Variants in TSC22D4 observed in about 807,000 individuals in gnomAD.
TSC22D4 encodes TSC22 domain family protein 4.
Under a neutral mutation model 24.9 loss-of-function variants are expected in TSC22D4, and 5 were observed. The observed-to-expected ratio is 0.20, with a 90% CI of 0.10 to 0.42. The LOEUF (loss-of-function observed/expected upper bound fraction) is 0.42. Among genes scored for constraint, TSC22D4 ranks in the 10% least tolerant of loss-of-function variants. TSC22D4 has a pLI of 1.00. For synonymous variants in TSC22D4, 245 were observed against 243.2 expected (o/e 1.01, Z -0.07); for missense variants, 469 against 547.9 (o/e 0.86, Z 1.44).
Position 100,474,482 on chromosome 7 carries a change from A to G in TSC22D4, c.763-42T>C, listed in dbSNP as rs779010743. Reference sequence around the variant, plus strand: ...AGGAACCATCACATGAAAAGAGAAAAGAAAGGAACCAGCTGCCTTAAAACT... The same window carrying G: ...AGGAACCATCACATGAAAAGAGAAAGGAAAGGAACCAGCTGCCTTAAAACT... On this transcript the variant is annotated intron_variant, in intron 2 of 4. Transcript: ENST00000300181. This position sits in a 1 kb window ranked among gnomAD's most constrained non-coding sequence, Gnocchi z 4.3. The G allele has an allele frequency of 6.2e-7, 1 of 1,610,112 alleles. No homozygotes were observed. The highest frequency in any genetic ancestry group is 8.5e-7 in the Non-Finnish European group (1 of 1,178,080).
chr7:100,473,767 TA>T (rs1427425616), intron 3 of TSC22D4: 178 of 83,520 alleles, frequency 2.1e-3, no homozygotes, highest in African/African-American at 6.4e-3. Flanking sequence ...TATATATATA[TA>T]TTTTTTTTTT....
chr7:100,475,446 G>C (rs11773661), intron 2 of TSC22D4, among the ~76,000 whole-genome samples: 26,588 of 152,088 alleles, frequency 0.17, 2,442 homozygotes, highest in Non-Finnish European at 0.2. Flanking sequence ...ATCATTCACT[G>C]GTTTACTGAA....
intron 3 of TSC22D4, 104 bp from the exon 4 acceptor site, chr7:100,467,704 T>G: frequency 8.6e-7 from 1 of 1,161,530 alleles, no homozygotes; most frequent in Non-Finnish European, 1.3e-6. Context: ...CCTGTGACAG[T>G]AGAGAATGAG....
In TSC22D4 at chr7:100,474,089, C is replaced by T. The variant is rs1799445750; in HGVS notation, c.929+185G>A. ...AGGGAGTCCCACCCAGCCCTCTCCA[C>T]AGAGAGGGAGTGGGTCCGAAATCAA... On this transcript the variant is annotated intron_variant, in intron 3 of 4. Transcript: ENST00000300181. This position sits in a 1 kb window ranked among gnomAD's most constrained non-coding sequence, Gnocchi z 4.3. The T allele has an allele frequency of 2.9e-6, 2 of 695,704 alleles. 1 individual carries two copies. Among genetic ancestry groups the T allele is most frequent in the South Asian group, 3.8e-5 (2 of 52,452 alleles). The allele number at this position is 695,704 out of a possible 1,614,324, so 43.1% of individuals were successfully genotyped here. A position where few individuals can be genotyped will look rare whatever the true frequency, so the allele number is the denominator to read the frequency against.
chr7:100,476,428 C>T (rs1799497624), intron 2 of TSC22D4, among the ~76,000 whole-genome samples: 1 of 152,108 alleles, frequency 6.6e-6, no homozygotes. Context: ...TTCCCCAGAC[C>T]TCCGAGGTGT....
At chr7:100,476,077 G>A (rs1799490523) in intron 2 of TSC22D4, among the ~76,000 whole-genome samples, 1 of 151,878 alleles carries the variant, frequency 6.6e-6, no homozygotes, top group Non-Finnish European at 1.5e-5. Context: ...CAGGGTCTGT[G>A]GCCCCAAGAG....
At position 100,477,488 on chromosome 7, in the gene TSC22D4, G is replaced by T. The variant is rs756086289; in HGVS notation, c.551C>A (p.Pro184His). The T allele has an allele frequency of 7.1e-6, 11 of 1,552,838 alleles. No individual in the cohort carries two copies. In the South Asian group the frequency reaches 1.3e-4, roughly 19 times the overall value. The change falls in exon 2 of 5, where the codon CCC (proline) becomes CAC (histidine). Residue 184 changes from proline (P) to histidine (H), a missense_variant. Coordinates refer to ENST00000300181, the MANE Select transcript of TSC22D4 (RefSeq NM_030935.5). This position sits in a 1 kb window ranked among gnomAD's most constrained non-coding sequence, Gnocchi z 7.8. ...VVPSKAKAEK[P>H]PLSASSPQQR... The stretch of plus-strand genomic sequence containing the variant: ...CTGGGGTGAGGAGGCCGACAGTGGG[G>T]GTTTCTCTGCCTTGGCTTTGCTGGG...
intron 3 of TSC22D4, among the ~76,000 whole-genome samples, chr7:100,473,588 C>T (rs968112608): frequency 6.6e-6 from 1 of 151,576 alleles, no homozygotes; most frequent in Non-Finnish European, 1.5e-5. Context: ...ATTACAGGCA[C>T]GTACCACCAC....
Position 100,478,892 on chromosome 7 carries a change from G to A in TSC22D4, c.-368C>T, listed in dbSNP as rs1799567611. 6.6e-6 allele frequency: 1 copy of A among 152,280 alleles called. No homozygotes were observed. Among genetic ancestry groups the A allele is most frequent in the African/African-American group, 2.4e-5 (1 of 41,446 alleles). The allele number at this position is 152,280 out of a possible 1,614,324, so 9.4% of individuals were successfully genotyped here. On this transcript the variant is annotated 5_prime_UTR_variant, in exon 1 of 5. Coordinates refer to ENST00000300181, the MANE Select transcript of TSC22D4 (RefSeq NM_030935.5). Reference sequence around the variant, plus strand: ...GCCTCCTGGCCATGGGCAGTGGCGGGGCACGCAGGCGGCGATCAGAGGCTG... The same window carrying A: ...GCCTCCTGGCCATGGGCAGTGGCGGAGCACGCAGGCGGCGATCAGAGGCTG...
rs1799287269 is a variant in TSC22D4 at position 100,466,891 on chromosome 7, G to A, written c.*68C>T. The A allele has an allele frequency of 2.1e-6, 3 of 1,418,376 alleles. No individual in the cohort carries two copies. Among genetic ancestry groups the A allele is most frequent in the African/African-American group, 1.4e-5 (1 of 69,594 alleles). 87.9% of individuals were successfully genotyped at this position (1,418,376 alleles called of 1,614,324 possible). A position where few individuals can be genotyped will look rare whatever the true frequency, so the allele number is the denominator to read the frequency against. On this transcript the variant is annotated 3_prime_UTR_variant, in exon 5 of 5. Coordinates refer to ENST00000300181, the MANE Select transcript of TSC22D4 (RefSeq NM_030935.5). ...GACACGGGGACATTAAAGCTGCATA[G>A]GAAGAGGGGGCAGGCGGCTGACGCA...
Position 100,477,283 on chromosome 7 carries a change from C to A in TSC22D4, c.756G>T (p.Met252Ile), listed in dbSNP as rs776568011. ...CCTAGAACCCAGGTCTTACCTGCCC[C>A]ATCTCTTCTGGAGCACCCAACTCCA... Reference protein sequence around the residue: ...LRMELGAPEEMGQVPPLDSRP... With the variant: ...LRMELGAPEEIGQVPPLDSRP... The change falls in exon 2 of 5, where the codon ATG (methionine) becomes ATT (isoleucine). Residue 252 changes from methionine (M) to isoleucine (I), a missense_variant. Transcript: ENST00000300181. This position sits in a 1 kb window ranked among gnomAD's most constrained non-coding sequence, Gnocchi z 7.8. 3 of 1,501,942 alleles carry A rather than the reference C, an allele frequency of 2.0e-6. No individual in the cohort carries two copies. The highest frequency in any genetic ancestry group is 2.7e-6 in the Non-Finnish European group (3 of 1,124,812). The allele number at this position is 1,501,942 out of a possible 1,614,324, so 93.0% of individuals were successfully genotyped here.
chr7:100,477,343 C>T lies in TSC22D4; in HGVS notation c.696G>A (p.Leu232=). 1 of 1,554,480 alleles carries T rather than the reference C, an allele frequency of 6.4e-7. No individual in the cohort carries two copies. The highest frequency in any genetic ancestry group is 8.7e-7 in the Non-Finnish European group (1 of 1,152,504). The part of the protein sequence containing the change: ...AGGSGARTPP[L]SRRKAVDMRL... ...GCATGTCTACAGCTTTCCTCCGGGA[C>T]AGTGGAGGGGTCCTGGCCCCTGAGC... The change falls in exon 2 of 5, where the codon CTG becomes CTA. Residue 232 remains leucine (L), a synonymous_variant. Coordinates refer to ENST00000300181, the MANE Select transcript of TSC22D4 (RefSeq NM_030935.5). The surrounding 1 kb of genome is among the most constrained non-coding windows in gnomAD (Gnocchi z 7.8).
In TSC22D4 at chr7:100,467,942, T is replaced by C. The variant is rs770882952; in HGVS notation, c.930-342A>G. On this transcript the variant is annotated intron_variant, in intron 3 of 4. Transcript: ENST00000300181. ...TTGACAGAGACCCCTGGCTGGGCCA[T>C]GCCCAAGGGGAAAGGGTCCTTAGAC... The C allele has an allele frequency of 8.9e-5, 47 of 527,626 alleles. 2 individuals carry two copies. The highest frequency in any genetic ancestry group is 6.8e-4 in the South Asian group (44 of 65,036). 32.7% of individuals were successfully genotyped at this position (527,626 alleles called of 1,614,324 possible). A position where few individuals can be genotyped will look rare whatever the true frequency, so the allele number is the denominator to read the frequency against.
intron 4 of TSC22D4, 132 bp downstream of exon 4, chr7:100,467,420 C>T: frequency 9.4e-7 from 1 of 1,064,432 alleles, no homozygotes; most frequent in Non-Finnish European, 1.4e-6. Context: ...CAGAGGATGC[C>T]CAGCAGCCCA....
Position 100,477,656 on chromosome 7 carries a change from A to G in TSC22D4, c.383T>C (p.Leu128Ser), listed in dbSNP as rs1799528187. The change falls in exon 2 of 5, where the codon TTG (leucine) becomes TCG (serine). Residue 128 changes from leucine (L) to serine (S), a missense_variant. Physicochemically the swap from Leu to Ser is moderately radical, Grantham distance 145. Transcript: ENST00000300181. The surrounding 1 kb of genome is among the most constrained non-coding windows in gnomAD (Gnocchi z 7.8). ...GCCCAGGCCGAGGCTGGCCAGCTCC[A>G]ACCTGGAATCCAAAGATCTGCCCCC... ...GAGGRSLDSRLELASLGLGAP... is the reference protein window; with the variant it reads ...GAGGRSLDSRSELASLGLGAP... 2 of 1,593,792 alleles carry G rather than the reference A, an allele frequency of 1.3e-6. No individual in the cohort carries two copies. Among genetic ancestry groups the G allele is most frequent in the South Asian group, 2.2e-5 (2 of 89,788 alleles).
At chr7:100,467,438 G>A (rs1563179123) in intron 4 of TSC22D4, 114 bp downstream of exon 4, 1 of 1,186,686 alleles carries the variant, frequency 8.4e-7, no homozygotes, top group Admixed American at 1.9e-5. Context: ...CCAGCAGGGA[G>A]AGGGACGGAG....
chr7:100,475,733 GC>G (rs1202671996), intron 2 of TSC22D4, among the ~76,000 whole-genome samples: 1 of 149,886 alleles, frequency 6.7e-6, no homozygotes, highest in Non-Finnish European at 1.5e-5. Context: ...GACCTGCATA[GC>G]CCAACAGGCT....
rs961909970 is a variant in TSC22D4, at chr7:100,467,492, G to A, written c.978+60C>T. The A allele has an allele frequency of 3.2e-6, 5 of 1,555,252 alleles. No individual in the cohort carries two copies. In the African/African-American group the frequency reaches 6.8e-5, roughly 21 times the overall value. On this transcript the variant is annotated intron_variant, in intron 4 of 4. Transcript: ENST00000300181. ...CCCTGGTAAGGAAGAGGACAGGGCTGGGGCAGAGGGATGGCTTAAGGGGGC... is the reference window on the plus strand; with the variant it reads ...CCCTGGTAAGGAAGAGGACAGGGCTAGGGCAGAGGGATGGCTTAAGGGGGC...
intron 3 of TSC22D4, among the ~76,000 whole-genome samples, chr7:100,471,078 C>T (rs1016448236): frequency 6.6e-6 from 1 of 152,226 alleles, no homozygotes; most frequent in African/African-American, 2.4e-5. Flanking sequence ...AGCCTGGGAT[C>T]TTGGGGACAG....
Sources: allele counts gnomAD v4.1 joint callset (sites outside exome capture counted in the v4.1 genomes callset), GRCh38; gene constraint gnomAD v4.1.1; non-coding constraint Gnocchi (gnomAD v3.1); transcripts MANE v1.5; gene names NCBI Gene and HGNC (gene_info 2026-07-23, HGNC 2026-07-21).